Variants in GRM5 observed in about 807,000 individuals in gnomAD.
GRM5 encodes the protein metabotropic glutamate receptor 5.
In GRM5, 19 loss-of-function variants were observed where a neutral mutation model predicts 83.1. The ratio of observed to expected loss-of-function variants is 0.23; its 90% CI spans 0.16 to 0.34. GRM5 has a LOEUF of 0.34. Ranked by LOEUF, GRM5 falls within the 10% of genes least tolerant of loss-of-function variation. The probability of loss-of-function intolerance (pLI) is 1.00; values close to 1 mark genes in which losing one functional copy is unlikely to be tolerated. For missense variants in GRM5, 1,160 were observed against 1,588.3 expected (o/e 0.73, Z 4.58); for synonymous variants, 675 against 633.6 (o/e 1.07, Z -0.98).
At chr11:88,633,561 C>T (rs942806287) in intron 4 of GRM5, among the ~76,000 whole-genome samples, 12 of 152,152 alleles carry the variant, frequency 7.9e-5, no homozygotes, top group Non-Finnish European at 1.6e-4. Context: ...TGCAGTGGTG[C>T]AATCATAGCT....
chr11:88,897,559 A>G (rs570894580), intron 2 of GRM5, among the ~76,000 whole-genome samples: 12 of 151,664 alleles, frequency 7.9e-5, no homozygotes, highest in African/African-American at 2.2e-4. Context: ...CTGCAGGATC[A>G]TTTTTGCCTC....
intron 3 of GRM5, among the ~76,000 whole-genome samples, chr11:88,766,525 C>A (rs76887859): frequency 0.056 from 8,082 of 144,218 alleles, 401 homozygotes; most frequent in Admixed American, 0.16. Context: ...AAACTAGAAC[C>A]CTACTTTACA....
chr11:89,014,710 T>A (rs1940805761), intron 2 of GRM5, among the ~76,000 whole-genome samples: 1 of 152,176 alleles, frequency 6.6e-6, no homozygotes, highest in South Asian at 2.1e-4. Flanking sequence ...AGGATAAATG[T>A]TTGATGGAAT....
At chr11:88,915,646 G>A (rs1026013342) in intron 2 of GRM5, among the ~76,000 whole-genome samples, 1 of 152,044 alleles carries the variant, frequency 6.6e-6, no homozygotes, top group African/African-American at 2.4e-5. Context: ...TTATGTGACA[G>A]GCTTTTGGAC....
chr11:88,771,773 C>T (rs1057100395), intron 3 of GRM5, among the ~76,000 whole-genome samples: 1 of 152,122 alleles, frequency 6.6e-6, no homozygotes, highest in Non-Finnish European at 1.5e-5. Flanking sequence ...GAAATACACT[C>T]ATGGTTTTGA....
intron 2 of GRM5, among the ~76,000 whole-genome samples, chr11:88,960,942 G>T (rs1333811049): frequency 6.6e-6 from 1 of 152,084 alleles, no homozygotes; most frequent in African/African-American, 2.4e-5. Flanking sequence ...GCACTCCCAT[G>T]ATATTGATAA....
chr11:88,550,268 A>G (rs1173961646), intron 8 of GRM5, among the ~76,000 whole-genome samples: 1 of 152,164 alleles, frequency 6.6e-6, no homozygotes, highest in Non-Finnish European at 1.5e-5. Context: ...CTAAAAATTG[A>G]CTTAAGTATT....
chr11:88,798,126 A>G (rs948946654), intron 3 of GRM5, among the ~76,000 whole-genome samples: 4 of 152,208 alleles, frequency 2.6e-5, no homozygotes. Flanking sequence ...CAGGTCAAGT[A>G]TCAATTTCTA....
At chr11:88,817,664 G>C (rs1047190803) in intron 3 of GRM5, among the ~76,000 whole-genome samples, 4 of 152,014 alleles carry the variant, frequency 2.6e-5, no homozygotes, top group South Asian at 2.1e-4. Flanking sequence ...TGCTCCTTGA[G>C]GGAAATATAA....
At chr11:88,525,008 A>G (rs1383580119) in intron 9 of GRM5, among the ~76,000 whole-genome samples, 1 of 152,228 alleles carries the variant, frequency 6.6e-6, no homozygotes, top group African/African-American at 2.4e-5. Context: ...TGCAAACTCC[A>G]GAACCGTTTG....
chr11:88,781,041 T>C (rs116570263), intron 3 of GRM5, among the ~76,000 whole-genome samples: 4,347 of 151,476 alleles, frequency 0.029, 211 homozygotes, highest in African/African-American at 0.098. Context: ...TTAGTAACTG[T>C]ACATATGGCA....
At chr11:88,724,499 A>G (rs1302434135) in intron 3 of GRM5, among the ~76,000 whole-genome samples, 1 of 152,170 alleles carries the variant, frequency 6.6e-6, no homozygotes, top group Non-Finnish European at 1.5e-5. Flanking sequence ...GTAGGGTTGC[A>G]TCTATTTTAC....
chr11:89,021,686 G>A (rs1167673595), intron 2 of GRM5, among the ~76,000 whole-genome samples: 1 of 152,130 alleles, frequency 6.6e-6, no homozygotes. Context: ...GCTAAGAAAT[G>A]CAATTTTTAG....
intron 2 of GRM5, among the ~76,000 whole-genome samples, chr11:88,914,162 TC>T (rs1945551573): frequency 6.6e-6 from 1 of 152,202 alleles, no homozygotes; most frequent in Admixed American, 6.5e-5. Context: ...AAGTTGACAT[TC>T]TTTGCTTCAC....
intron 2 of GRM5, among the ~76,000 whole-genome samples, chr11:89,044,345 T>C (rs1217879783): frequency 6.6e-6 from 1 of 152,106 alleles, no homozygotes; most frequent in Non-Finnish European, 1.5e-5. Context: ...ATAATTTCTG[T>C]GTAATAGAAC....
intron 4 of GRM5, among the ~76,000 whole-genome samples, chr11:88,620,818 T>C (rs1291452410): frequency 6.6e-6 from 1 of 152,200 alleles, no homozygotes; most frequent in Non-Finnish European, 1.5e-5. Flanking sequence ...TCATAATATT[T>C]GCAGTGTCTC....
intron 2 of GRM5, among the ~76,000 whole-genome samples, chr11:88,953,195 G>T (rs1324845066): frequency 6.6e-6 from 1 of 152,146 alleles, no homozygotes. Context: ...CGGATTGAGG[G>T]TTTTGAGGAA....
intron 2 of GRM5, among the ~76,000 whole-genome samples, chr11:89,005,389 C>T (rs1007996080): frequency 3.3e-5 from 5 of 152,142 alleles, no homozygotes; most frequent in African/African-American, 1.2e-4. Context: ...ATTAGTTTGG[C>T]TTGGCTTGGA....
At chr11:88,551,016 G>A (rs963083220) in intron 8 of GRM5, among the ~76,000 whole-genome samples, 1 of 152,050 alleles carries the variant, frequency 6.6e-6, no homozygotes, top group Non-Finnish European at 1.5e-5. Context: ...GTCTCATGGG[G>A]TTGTTTTAAT....
Sources: gnomAD v4.1 joint callset for allele counts (sites outside exome capture counted in the v4.1 genomes callset) on GRCh38, gnomAD v4.1.1 for gene constraint, MANE v1.5 for transcripts, NCBI Gene and HGNC (gene_info 2026-07-23, HGNC 2026-07-21) for gene names.